Variants in DMD observed in about 807,000 individuals in gnomAD.
The protein encoded by DMD is mutant dystrophin.
A neutral mutation model predicts 330.1 loss-of-function variants in DMD; 63 were observed. The ratio of observed to expected loss-of-function variants is 0.19; its 90% confidence interval spans 0.16 to 0.24. The LOEUF is 0.24. Among genes scored for constraint, DMD ranks in the 10% least tolerant of loss-of-function variants. The pLI is 1.00. For synonymous variants in DMD, 1,223 were observed against 959.8 expected, an observed-to-expected ratio of 1.27 and a Z score of -5.07; for missense variants, 3,344 against 2,684.1, an observed-to-expected ratio of 1.25 and a Z score of -5.43.
chrX:31,661,033 A>G (rs746636365), intron 53 of DMD, among the ~76,000 whole-genome samples: 1 of 112,416 alleles, frequency 8.9e-6, no homozygotes, highest in Non-Finnish European at 1.9e-5. Context: ...AATCTCTGAA[A>G]GAAATAGTAA....
At position 31,734,799 on chromosome X, in the gene DMD, T is replaced by C. The variant is rs1361428186; in HGVS notation, c.7543-5051A>G. 2.7e-5 allele frequency among the ~76,000 whole-genome samples: 3 copies of C among 111,721 alleles called. No homozygotes were observed. The Admixed American group carries it at 2.9e-4, about 11-fold the overall frequency. ...GGAAACATGGAGAGTTATCAGAGCA[T>C]ATGGCAAAGATATCACATGAAATAT... On this transcript the variant is annotated intron_variant, in intron 51 of 78. Transcript: ENST00000357033.
At chrX:31,480,550 ATGTT>A (rs1439475968) in intron 57 of DMD, among the ~76,000 whole-genome samples, 3 of 76,714 alleles carry the variant, frequency 3.9e-5, no homozygotes, top group East Asian at 3.5e-4. Context: ...TGAAATCTCC[ATGTT>A]TGTGTGTGTG....
intron 23 of DMD, among the ~76,000 whole-genome samples, chrX:32,465,399 A>T (rs894944018): frequency 9.0e-6 from 1 of 110,861 alleles, no homozygotes; most frequent in African/African-American, 3.3e-5. Context: ...TTAAATTTAC[A>T]TTGAAAATAT....
intron 9 of DMD, among the ~76,000 whole-genome samples, chrX:32,654,506 G>A (rs1321955647): frequency 1.8e-5 from 2 of 111,764 alleles, no homozygotes; most frequent in Non-Finnish European, 3.8e-5. Context: ...AAGCCCACTT[G>A]ATAATGGTGG....
At chrX:32,576,929 TTATTA>T (rs1245873834) in intron 13 of DMD, among the ~76,000 whole-genome samples, 3 of 111,686 alleles carry the variant, frequency 2.7e-5, no homozygotes, top group African/African-American at 6.5e-5. Flanking sequence ...GATCATGAAT[TTATTA>T]TATAACAAAT....
intron 49 of DMD, among the ~76,000 whole-genome samples, chrX:31,823,418 T>C (rs988186855): frequency 3.1e-4 from 35 of 111,848 alleles, no homozygotes; most frequent in African/African-American, 1.1e-3. Context: ...TGAATAAAAT[T>C]AAATGAAAAT....
At chrX:32,495,311 A>G (rs1352466150) in intron 19 of DMD, among the ~76,000 whole-genome samples, 1 of 111,893 alleles carries the variant, frequency 8.9e-6, no homozygotes, top group Non-Finnish European at 1.9e-5. Context: ...GAGTATAACT[A>G]CACTGTACTC....
chrX:32,718,056 G>A (rs747490222), intron 7 of DMD, among the ~76,000 whole-genome samples: 1 of 111,259 alleles, frequency 9.0e-6, no homozygotes, highest in African/African-American at 3.3e-5. Flanking sequence ...ACTTTGGACT[G>A]TGGACTTTTG....
chrX:32,573,145 A>G (rs924703779), intron 15 of DMD, among the ~76,000 whole-genome samples: 1 of 111,694 alleles, frequency 9.0e-6, no homozygotes, highest in East Asian at 2.8e-4. Context: ...GTTAAACTCC[A>G]TCAATGTCAG....
intron 44 of DMD, among the ~76,000 whole-genome samples, chrX:32,055,131 C>T (rs1391920562): frequency 9.0e-6 from 1 of 111,193 alleles, no homozygotes; most frequent in African/African-American, 3.3e-5. Flanking sequence ...TATCACAGAG[C>T]TAATGTTAAC....
Position 32,362,978 on chromosome X carries a change from G to A in DMD, c.5155-20C>T. ...TAAACGCTATATTCCATGAGCAAGAGATAGGACTTGAAGTTAGTAATTAAT... is the reference window on the plus strand; with the variant it reads ...TAAACGCTATATTCCATGAGCAAGAAATAGGACTTGAAGTTAGTAATTAAT... On this transcript the variant is annotated intron_variant, in intron 36 of 78. Transcript: ENST00000357033. 1 of 1,192,199 alleles carries A rather than the reference G, an allele frequency of 8.4e-7. No homozygotes were observed. Among genetic ancestry groups the A allele is most frequent in the Non-Finnish European group, 1.1e-6 (1 of 882,230 alleles).
At chrX:31,833,496 C>T (rs2093123105) in intron 49 of DMD, among the ~76,000 whole-genome samples, 1 of 111,368 alleles carries the variant, frequency 9.0e-6, no homozygotes, top group South Asian at 3.8e-4. Flanking sequence ...ACCTATACGT[C>T]ATTAGTATTA....
At chrX:31,252,962 G>C (rs1569503971) in intron 63 of DMD, among the ~76,000 whole-genome samples, 2 of 109,361 alleles carry the variant, frequency 1.8e-5, no homozygotes, top group Non-Finnish European at 3.8e-5. Context: ...CTGCACTCCA[G>C]CCTGGCGACA....
chrX:32,644,335 A>C lies in DMD; in HGVS notation c.1150-22T>G, dbSNP rs939435021. ...ACCCCTGACAAAGAAGGAAGTTAAC[A>C]ATTGTAATTAGAACTCTAGGTAAAT... On this transcript the variant is annotated intron_variant, in intron 10 of 78. Transcript: ENST00000357033. The C allele has an allele frequency of 5.0e-6, 6 of 1,199,344 alleles. No individual in the cohort carries two copies. The African/African-American group carries it at 8.8e-5, about 18-fold the overall frequency.
chrX:32,460,362 G>A (rs2098379255), intron 25 of DMD, among the ~76,000 whole-genome samples: 1 of 105,905 alleles, frequency 9.4e-6, no homozygotes, highest in Non-Finnish European at 2.0e-5. Flanking sequence ...TTTCCTGCCT[G>A]TTTTTTTTTT....
intron 1 of DMD, among the ~76,000 whole-genome samples, chrX:33,147,430 C>T (rs1464911903): frequency 8.9e-6 from 1 of 111,881 alleles, no homozygotes; most frequent in Non-Finnish European, 1.9e-5. Context: ...TGACACATTC[C>T]CCTGCTCAAT....
At chrX:31,376,471 A>G (rs930723977) in intron 60 of DMD, among the ~76,000 whole-genome samples, 1 of 111,856 alleles carries the variant, frequency 8.9e-6, no homozygotes, top group African/African-American at 3.3e-5. Flanking sequence ...AAGCTAAAGT[A>G]GAGGACTTTA....
chrX:32,068,103 T>C (rs1363789039), intron 44 of DMD, among the ~76,000 whole-genome samples: 4 of 111,623 alleles, frequency 3.6e-5, no homozygotes, highest in Non-Finnish European at 5.7e-5. Context: ...TCTCTGATGA[T>C]GAGTGATGTG....
At chrX:32,289,521 G>C (rs1387901933) in intron 42 of DMD, among the ~76,000 whole-genome samples, 1 of 110,957 alleles carries the variant, frequency 9.0e-6, no homozygotes, top group Non-Finnish European at 1.9e-5. Context: ...GGCATTCTTA[G>C]TCACAGGATG....
Sources: gnomAD v4.1 joint callset for allele counts (sites outside exome capture counted in the v4.1 genomes callset) on GRCh38, gnomAD v4.1.1 for gene constraint, MANE v1.5 for transcripts, NCBI Gene and HGNC (gene_info 2026-07-23, HGNC 2026-07-21) for gene names.